FAM53A: variants seen among roughly 807,000 people sequenced by gnomAD.
FAM53A encodes family with sequence similarity 53 member A, also known as protein FAM53A.
Under a neutral mutation model 26.6 loss-of-function variants are expected in FAM53A, and 28 were observed. That is an observed-to-expected ratio of 1.05 (90% CI 0.78 to 1.45). The LOEUF (loss-of-function observed/expected upper bound fraction) is 1.45, where lower values mean the gene tolerates loss of function less well. Among genes scored for constraint, FAM53A ranks in the 40% most tolerant of loss-of-function variants. FAM53A has a pLI of 0.00. For synonymous variants in FAM53A, 290 were observed against 253.1 expected, an observed-to-expected ratio of 1.15 and a Z score of -1.38; for missense variants, 650 against 575.8, an observed-to-expected ratio of 1.13 and a Z score of -1.32.
At chr4:1,629,297 A>T (rs747245163) in intron 1 of FAM53A, among the ~76,000 whole-genome samples, 2 of 152,132 alleles carry the variant, frequency 1.3e-5, no homozygotes, top group African/African-American at 2.4e-5. Flanking sequence ...ACCTAGAGTC[A>T]ATCTCTGCTG....
chr4:1,675,042 G>T (rs1165493146), intron 1 of FAM53A, among the ~76,000 whole-genome samples: 1 of 152,200 alleles, frequency 6.6e-6, no homozygotes, highest in Non-Finnish European at 1.5e-5. Flanking sequence ...CACCATGGCA[G>T]GACAGCCTTT....
At chr4:1,670,279 G>A (rs1394057713) in intron 1 of FAM53A, among the ~76,000 whole-genome samples, 5 of 152,248 alleles carry the variant, frequency 3.3e-5, no homozygotes, top group African/African-American at 4.8e-5. Context: ...AACCGCTCTC[G>A]ACAGAAACCA....
chr4:1,671,565 CCACAG>C (rs1278646694), intron 1 of FAM53A, among the ~76,000 whole-genome samples: 1 of 121,298 alleles, frequency 8.2e-6, no homozygotes, highest in Non-Finnish European at 1.8e-5. Context: ...ACAGCCACAG[CCACAG>C]CCGGGACTCA....
downstream of FAM53A, among the ~76,000 whole-genome samples, chr4:1,639,278 C>A (rs1715988727): frequency 6.6e-6 from 1 of 152,226 alleles, no homozygotes; most frequent in African/African-American, 2.4e-5. Context: ...CCGCCCGCCC[C>A]ACCCCAAATC....
rs1450924137 is a variant in FAM53A at position 1,630,786 on chromosome 4, G to A, written c.432-12675C>T. Among the ~76,000 whole-genome samples the A allele has an allele frequency of 1.3e-5, 2 of 152,202 alleles. No individual in the cohort carries two copies. Among genetic ancestry groups the A allele is most frequent in the East Asian group, 1.9e-4 (1 of 5,190 alleles). ...GGGAGCGCCCACTCGTGGGGAGGGG[G>A]CTCATTTGGGCGATGGGATAAAATG... On this transcript the variant is annotated intron_variant, in intron 1 of 1. Transcript: ENST00000489029. This position sits in a 1 kb window ranked among gnomAD's most constrained non-coding sequence, Gnocchi z 4.3.
the FAM53A span, among the ~76,000 whole-genome samples, chr4:1,592,377 C>T: frequency 2.7e-3 from 414 of 152,320 alleles, 1 homozygote; most frequent in Non-Finnish European, 5.3e-3. Context: ...GCCTGGAGGG[C>T]GCGAGGCCGA....
chr4:1,640,251 C>A lies in FAM53A; in HGVS notation c.*1042G>T. 1 of 175,058 alleles carries A rather than the reference C, an allele frequency of 5.7e-6. No individual in the cohort carries two copies. The highest frequency in any genetic ancestry group is 1.2e-5 in the Non-Finnish European group (1 of 84,774). The allele number at this position is 175,058 out of a possible 1,614,324, so 10.8% of individuals were successfully genotyped here. A position where few individuals can be genotyped will look rare whatever the true frequency, so the allele number is the denominator to read the frequency against. On this transcript the variant is annotated 3_prime_UTR_variant, in exon 5 of 5. Transcript: ENST00000308132. ...CTGCCACCGGTGGAAAACCAGGCGG[C>A]CACAAGCTGGCGGTTCACTGGCACG...
chr4:1,671,095 C>T, intron 1 of FAM53A, among the ~76,000 whole-genome samples: 1 of 146,342 alleles, frequency 6.8e-6, no homozygotes, highest in East Asian at 2.1e-4. Context: ...CCCGGACTCA[C>T]CTCTGTCCCA....
downstream of FAM53A, among the ~76,000 whole-genome samples, chr4:1,639,605 GC>G (rs1711515503): frequency 6.6e-6 from 1 of 152,156 alleles, no homozygotes; most frequent in African/African-American, 2.4e-5. Flanking sequence ...GCAGAGCCTG[GC>G]CAGGAAGGGG....
At chr4:1,678,163 T>C (rs1715168458) in intron 1 of FAM53A, among the ~76,000 whole-genome samples, 1 of 152,194 alleles carries the variant, frequency 6.6e-6, no homozygotes, top group South Asian at 2.1e-4. Flanking sequence ...AAGACCAGCC[T>C]GGGCAACATA....
At chr4:1,611,236 T>G in the FAM53A span, among the ~76,000 whole-genome samples, 7 of 152,160 alleles carry the variant, frequency 4.6e-5, no homozygotes, top group Non-Finnish European at 7.4e-5. Flanking sequence ...AGCTCAGTCC[T>G]TGGAGCACTG....
At chr4:1,652,198 ACAC>A (rs1429231328) in intron 4 of FAM53A, among the ~76,000 whole-genome samples, 2 of 143,116 alleles carry the variant, frequency 1.4e-5, no homozygotes, top group Non-Finnish European at 3.0e-5. Context: ...CACGCCACAC[ACAC>A]CACACATGCC....
intron 1 of FAM53A, chr4:1,683,775 G>C (rs1577167963): frequency 6.6e-6 from 1 of 152,270 alleles, no homozygotes; most frequent in African/African-American, 2.4e-5. Flanking sequence ...CCCCTCTAGA[G>C]TCCGGCAGCA....
In FAM53A at chr4:1,630,369, C is replaced by A. The variant is rs1486818673; in HGVS notation, c.432-12258G>T. ...TCTGCCACTGCAGCCGAAACAGCCA[C>A]AGCCAAGGTCTACACAAATGCACGT... On this transcript the variant is annotated intron_variant, in intron 1 of 1. Transcript: ENST00000489029. The surrounding 1 kb of genome is among the most constrained non-coding windows in gnomAD (Gnocchi z 4.3). 2.0e-5 allele frequency among the ~76,000 whole-genome samples: 3 copies of A among 152,252 alleles called. No homozygotes were observed. Among genetic ancestry groups the A allele is most frequent in the Non-Finnish European group, 4.4e-5 (3 of 68,048 alleles).
chr4:1,641,346 C>A lies in FAM53A; in HGVS notation c.1144G>T (p.Val382Phe). The A allele has an allele frequency of 6.2e-7, 1 of 1,611,148 alleles. No individual in the cohort carries two copies. Among genetic ancestry groups the A allele is most frequent in the Non-Finnish European group, 8.5e-7 (1 of 1,179,284 alleles). ...RDGDSVGEEG[V>F]FPRARWELDL... ...AGCTCCCAGCGGGCCCGGGGGAAGA[C>A]GCCCTCCTCCCCGACACTGTCCCCA... is the stretch of plus-strand genomic sequence containing the variant. Residue 382 changes from valine to phenylalanine, a missense_variant, in exon 5 of 5, where the codon GTC becomes TTC. Physicochemically the swap from Val to Phe is conservative, Grantham distance 50. Transcript: ENST00000308132.
chr4:1,631,887 G>C (rs1026182754), intron 1 of FAM53A, among the ~76,000 whole-genome samples: 12 of 152,308 alleles, frequency 7.9e-5, no homozygotes, highest in African/African-American at 2.9e-4. Flanking sequence ...CCACGGCCAG[G>C]CATGGTGGCT....
At chr4:1,666,656 T>C (rs967598886) in intron 2 of FAM53A, among the ~76,000 whole-genome samples, 1 of 152,268 alleles carries the variant, frequency 6.6e-6, no homozygotes, top group African/African-American at 2.4e-5. Context: ...CCGCTCTGTA[T>C]CCTTTGGTCT....
At chr4:1,613,550 C>A (rs1714703251), downstream of FAM53A, among the ~76,000 whole-genome samples, 1 of 152,208 alleles carries the variant, frequency 6.6e-6, no homozygotes, top group Non-Finnish European at 1.5e-5. Context: ...CACACGCAGG[C>A]ACCACGAGAG....
chr4:1,685,043 G>C (rs180722747), upstream of FAM53A, among the ~76,000 whole-genome samples: 279 of 152,296 alleles, frequency 1.8e-3, 2 homozygotes, highest in African/African-American at 6.4e-3. Flanking sequence ...CCCAGGAAGG[G>C]GGTCCCTGCC....
Sources: allele counts gnomAD v4.1 joint callset (sites outside exome capture counted in the v4.1 genomes callset), GRCh38; gene constraint gnomAD v4.1.1; non-coding constraint Gnocchi (gnomAD v3.1); transcripts MANE v1.5; gene names NCBI Gene and HGNC (gene_info 2026-07-23, HGNC 2026-07-21).